The following VPS13C variants were observed in gnomAD, a reference collection of about 807,000 sequenced individuals.
VPS13C encodes intermembrane lipid transfer protein VPS13C.
VPS13C carries 358 observed loss-of-function variants against 456.8 expected under a neutral mutation model. The observed-to-expected ratio is 0.78, with a 90% CI of 0.72 to 0.86. The LOEUF (loss-of-function observed/expected upper bound fraction) is 0.86, where lower values mean the gene tolerates loss of function less well. Ranked by LOEUF, VPS13C falls within the 40% of genes least tolerant of loss-of-function variation. The pLI, the probability that VPS13C is intolerant of heterozygous loss-of-function variation, is 0.00. For missense variants in VPS13C, 4,818 were observed against 4,385.4 expected (o/e 1.10, Z -2.79); for synonymous variants, 1,578 against 1,486.7 (o/e 1.06, Z -1.41).
intron 32 of VPS13C, among the ~76,000 whole-genome samples, chr15:61,963,479 A>C (rs1002129221): frequency 2.0e-5 from 3 of 152,078 alleles, no homozygotes; most frequent in African/African-American, 7.2e-5. Flanking sequence ...GAAGGTAAAA[A>C]AAAAAGATTA....
At chr15:61,923,319 T>G (rs968576032) in intron 53 of VPS13C, among the ~76,000 whole-genome samples, 1 of 152,266 alleles carries the variant, frequency 6.6e-6, no homozygotes, top group South Asian at 2.1e-4. Flanking sequence ...CTACCTCTTA[T>G]TATCTTTGGA....
At chr15:61,886,009 T>C (rs996991733) in intron 67 of VPS13C, among the ~76,000 whole-genome samples, 1 of 152,158 alleles carries the variant, frequency 6.6e-6, no homozygotes, top group Non-Finnish European at 1.5e-5. Context: ...GAGGTTGTTC[T>C]GAATGTCTTC....
chr15:61,957,200 G>A lies in VPS13C; in HGVS notation c.4165+1408C>T, dbSNP rs200789489. ...TGAAGAATAAAAGAAGCCAAACATC[G>A]AAGAGTAAATTCTGTATGATTCCAT... On this transcript the variant is annotated intron_variant, in intron 37 of 84. Coordinates refer to ENST00000644861, the MANE Select transcript of VPS13C (RefSeq NM_020821.3). 2.8e-4 allele frequency among the ~76,000 whole-genome samples: 42 copies of A among 152,134 alleles called. No individual in the cohort carries two copies. In the East Asian group the frequency reaches 7.3e-3, roughly 27 times the overall value.
At chr15:62,014,030 G>T in intron 9 of VPS13C, 38 bp from the exon 10 acceptor site, 1 of 1,502,970 alleles carries the variant, frequency 6.7e-7, no homozygotes, top group Non-Finnish European at 9.2e-7. Flanking sequence ...AACGTGGTAT[G>T]GATGTCATTA....
chr15:61,884,304 T>C (rs528990629), intron 67 of VPS13C, 35 bp from the exon 68 acceptor site: 1 of 1,599,722 alleles, frequency 6.3e-7, no homozygotes, highest in Non-Finnish European at 8.5e-7. Flanking sequence ...AAATTAGCAA[T>C]ATGTATTTAG....
chr15:61,950,185 G>GT (rs2044738912), intron 41 of VPS13C, among the ~76,000 whole-genome samples, 173 bp downstream of exon 41: 1 of 152,106 alleles, frequency 6.6e-6, no homozygotes, highest in Non-Finnish European at 1.5e-5. Context: ...TCAACTTTTT[G>GT]TAAGAACTTT....
At chr15:61,923,287 C>T (rs1048659774) in intron 53 of VPS13C, among the ~76,000 whole-genome samples, 19 of 151,970 alleles carry the variant, frequency 1.3e-4, no homozygotes, top group Non-Finnish European at 8.8e-5. Flanking sequence ...TCTCCTTTGA[C>T]TTACCCCAAG....
chr15:61,870,759 G>T (rs1344350551), intron 79 of VPS13C, among the ~76,000 whole-genome samples: 1 of 152,122 alleles, frequency 6.6e-6, no homozygotes, highest in Admixed American at 6.5e-5. Flanking sequence ...AGTAGTGTAT[G>T]AGGGTTCCAA....
intron 5 of VPS13C, among the ~76,000 whole-genome samples, chr15:62,029,000 T>G (rs2047727314): frequency 6.6e-6 from 1 of 152,066 alleles, no homozygotes; most frequent in Non-Finnish European, 1.5e-5. Flanking sequence ...TCTGATCATG[T>G]CATTCTTTGG....
At chr15:61,943,645 TG>T (rs1426008616) in intron 45 of VPS13C, among the ~76,000 whole-genome samples, 1 of 151,978 alleles carries the variant, frequency 6.6e-6, no homozygotes, top group Admixed American at 6.6e-5. Flanking sequence ...TAACTCAAGA[TG>T]GATTAAATAT....
chr15:61,963,951 G>C lies in VPS13C; in HGVS notation c.3215C>G (p.Ala1072Gly), dbSNP rs763000050. 4.4e-6 allele frequency: 7 copies of C among 1,578,146 alleles called. No homozygotes were observed. The highest frequency in any genetic ancestry group is 6.1e-6 in the Non-Finnish European group (7 of 1,151,336). ...GTCACTATCTCTGGAGGATACAATC[G>C]CTAAAAATAAAACAAAGCATCTGTC... Reference protein sequence around the residue: ...KQQKNSTLPKAIVSSRDSDII... With the variant: ...KQQKNSTLPKGIVSSRDSDII... Residue 1072 changes from alanine to glycine, a missense_variant and splice_region_variant, in exon 32 of 85, where the codon GCG (alanine) becomes GGG (glycine). Transcript: ENST00000644861.
intron 51 of VPS13C, 59 bp from the exon 52 acceptor site, chr15:61,927,379 CAT>C (rs2043889911): frequency 1.5e-6 from 2 of 1,326,180 alleles, no homozygotes; most frequent in South Asian, 1.3e-5. Flanking sequence ...CATTTGACTA[CAT>C]GTTATCTACA....
At chr15:61,877,964 T>C (rs1279806028) in intron 74 of VPS13C, among the ~76,000 whole-genome samples, 2 of 150,796 alleles carry the variant, frequency 1.3e-5, no homozygotes, top group Non-Finnish European at 3.0e-5. Context: ...TTTCCCAGGC[T>C]TTTGTTTTTT....
chr15:61,871,045 T>C (rs555952311), intron 79 of VPS13C, among the ~76,000 whole-genome samples: 3 of 152,296 alleles, frequency 2.0e-5, no homozygotes, highest in African/African-American at 7.2e-5. Flanking sequence ...TTTTCTTCCA[T>C]TCTGTGGGCT....
At chr15:61,933,586 A>T (rs190564751) in intron 49 of VPS13C, among the ~76,000 whole-genome samples, 57 of 152,186 alleles carry the variant, frequency 3.7e-4, no homozygotes, top group Non-Finnish European at 6.6e-4. Context: ...TGCCATATGT[A>T]TTATAGGTAT....
chr15:61,903,734 C>A (rs1297914778), intron 66 of VPS13C, among the ~76,000 whole-genome samples: 1 of 152,216 alleles, frequency 6.6e-6, no homozygotes, highest in African/African-American at 2.4e-5. Context: ...TGACTGACTT[C>A]AAAACATACC....
chr15:62,022,111 CTT>C (rs758189743), intron 8 of VPS13C, among the ~76,000 whole-genome samples: 4 of 151,858 alleles, frequency 2.6e-5, no homozygotes, highest in Non-Finnish European at 4.4e-5. Context: ...GCTGACATCT[CTT>C]TGACATACTG....
At chr15:61,878,850 G>C in intron 73 of VPS13C, 104 bp from the exon 74 acceptor site, 2 of 1,204,784 alleles carry the variant, frequency 1.7e-6, no homozygotes, top group African/African-American at 1.5e-5. Context: ...CTTTCGATTA[G>C]AGTCCTAGTG....
chr15:61,874,381 T>C (rs1419674377), intron 77 of VPS13C, among the ~76,000 whole-genome samples: 2 of 152,024 alleles, frequency 1.3e-5, no homozygotes, highest in African/African-American at 4.8e-5. Context: ...GTGATAAATA[T>C]GCTAATTACC....
Sources: allele counts gnomAD v4.1 joint callset (sites outside exome capture counted in the v4.1 genomes callset), GRCh38; gene constraint gnomAD v4.1.1; transcripts MANE v1.5; gene names NCBI Gene and HGNC (gene_info 2026-07-23, HGNC 2026-07-21).